The following RADIL variants were observed in gnomAD, a reference collection of about 807,000 sequenced individuals.
RADIL encodes the protein ras-associating and dilute domain-containing protein.
Under a neutral mutation model 97.6 loss-of-function variants are expected in RADIL, and 99 were observed. That is an observed-to-expected ratio of 1.01 (90% CI 0.86 to 1.20). The LOEUF is 1.20. RADIL is among the 50% of genes most tolerant of loss of function. The pLI, the probability that RADIL is intolerant of heterozygous loss-of-function variation, is 0.00. For synonymous variants in RADIL, 803 were observed against 691.8 expected, an observed-to-expected ratio of 1.16 and a Z score of -2.52; for missense variants, 1,765 against 1,498.9, an observed-to-expected ratio of 1.18 and a Z score of -2.93.
chr7:4,806,718 T>A (rs1230419505), intron 9 of RADIL, among the ~76,000 whole-genome samples: 1 of 152,252 alleles, frequency 6.6e-6, no homozygotes, highest in African/African-American at 2.4e-5. Context: ...AGGGGCGCAT[T>A]GCAGGAAACC....
At chr7:4,861,687 T>G in intron 2 of RADIL, 1 of 1,586,782 alleles carries the variant, frequency 6.3e-7, no homozygotes, top group Non-Finnish European at 8.6e-7. Flanking sequence ...TCTATTAGCC[T>G]CTGGGTGAGG....
chr7:4,834,657 A>T lies in RADIL; in HGVS notation c.1366T>A (p.Phe456Ile), dbSNP rs1783243692. Residue 456 changes from phenylalanine to isoleucine, a missense_variant, in exon 4 of 15, where the codon TTC becomes ATC. Physicochemically the swap from Phe to Ile is conservative, Grantham distance 21 (BLOSUM62 0). Transcript: ENST00000399583. This position sits in a 1 kb window ranked among gnomAD's most constrained non-coding sequence, Gnocchi z 6.0. ...HSATHFQPGT[F>I]GQLLLKIARL... ...GCTATCTTGAGCAGGAGCTGCCCGA[A>T]TGTGCCCGGCTGGAAGTGGGTGGCC... 7.3e-7 allele frequency: 1 copy of T among 1,363,278 alleles called. No homozygotes were observed. Among genetic ancestry groups the T allele is most frequent in the East Asian group, 2.8e-5 (1 of 35,766 alleles). 84.4% of individuals were successfully genotyped at this position (1,363,278 alleles called of 1,614,324 possible). A position where few individuals can be genotyped will look rare whatever the true frequency, so the allele number is the denominator to read the frequency against.
intron 2 of RADIL, among the ~76,000 whole-genome samples, chr7:4,868,150 C>G (rs1784171302): frequency 6.6e-6 from 1 of 152,092 alleles, no homozygotes; most frequent in South Asian, 2.1e-4. Context: ...GCAAGCTCCG[C>G]CTCCCGGGTT....
intron 5 of RADIL, among the ~76,000 whole-genome samples, chr7:4,825,062 G>C (rs1203587579): frequency 2.0e-5 from 3 of 152,174 alleles, no homozygotes; most frequent in Non-Finnish European, 2.9e-5. Flanking sequence ...GGCCTGTGTG[G>C]ACGGAGGAGC....
intron 2 of RADIL, chr7:4,861,845 A>C (rs963990608): frequency 2.9e-6 from 4 of 1,390,884 alleles, no homozygotes; most frequent in Non-Finnish European, 3.8e-6. Context: ...CACGTCCCCC[A>C]CCACCGCGAC....
intron 2 of RADIL, chr7:4,865,768 C>A: frequency 3.9e-6 from 4 of 1,033,794 alleles, no homozygotes; most frequent in East Asian, 4.7e-5. Context: ...ATTTTTTTTG[C>A]CCCCCTTCAC....
chr7:4,871,415 C>T (rs1583324977), intron 2 of RADIL, among the ~76,000 whole-genome samples: 1 of 152,242 alleles, frequency 6.6e-6, no homozygotes, highest in Non-Finnish European at 1.5e-5. Context: ...ACACAACAGT[C>T]CCTGCGGCCC....
intron 2 of RADIL, among the ~76,000 whole-genome samples, chr7:4,845,111 A>G (rs1294430044): frequency 2.0e-5 from 3 of 152,100 alleles, no homozygotes; most frequent in Non-Finnish European, 4.4e-5. Context: ...AATACTTTAG[A>G]AACCTAACCT....
At chr7:4,799,883 C>A in intron 13 of RADIL, 114 bp from the exon 14 acceptor site, 5 of 1,392,872 alleles carry the variant, frequency 3.6e-6, no homozygotes, top group Non-Finnish European at 4.7e-6. Flanking sequence ...TCCAGCCAGG[C>A]CCACTCATGG....
chr7:4,843,612 T>A (rs113557297), intron 2 of RADIL, among the ~76,000 whole-genome samples: 16 of 152,216 alleles, frequency 1.1e-4, no homozygotes, highest in African/African-American at 3.6e-4. Flanking sequence ...TTTATTCTCA[T>A]TATAGAAACC....
At position 4,813,977 on chromosome 7, in the gene RADIL, G is replaced by A. The variant is rs527871296; in HGVS notation, c.2139+1301C>T. ...TTCTTTTTTGTAGAGATGGGGTCTCGCTGTGTTGCCCAGGCTGGTCTCAAA... is the reference window on the plus strand; with the variant it reads ...TTCTTTTTTGTAGAGATGGGGTCTCACTGTGTTGCCCAGGCTGGTCTCAAA... On this transcript the variant is annotated intron_variant, in intron 9 of 14. Coordinates refer to ENST00000399583, the MANE Select transcript of RADIL (RefSeq NM_018059.5). The surrounding 1 kb of genome is among the most constrained non-coding windows in gnomAD (Gnocchi z 5.0). Among the ~76,000 whole-genome samples the A allele has an allele frequency of 3.9e-5, 6 of 152,178 alleles. No homozygotes were observed. Among genetic ancestry groups the A allele is most frequent in the Admixed American group, 6.5e-5 (1 of 15,282 alleles).
Position 4,866,479 on chromosome 7 carries a change from C to T in RADIL, c.535+11126G>A, listed in dbSNP as rs114948885. Among the ~76,000 whole-genome samples, 963 of 152,262 alleles carry T rather than the reference C, an allele frequency of 6.3e-3. 9 individuals are homozygous for T. Among genetic ancestry groups the T allele is most frequent in the African/African-American group, 0.022 (921 of 41,550 alleles). On this transcript the variant is annotated intron_variant, in intron 2 of 14. Transcript: ENST00000399583. ...CAAAAAAAATATTTCTCATCCAAGT[C>T]TCTGGCAAATCAATATCTAGAAAAC...
intron 2 of RADIL, among the ~76,000 whole-genome samples, chr7:4,848,216 C>A (rs1028778724): frequency 2.6e-3 from 337 of 128,914 alleles, no homozygotes; most frequent in African/African-American, 2.7e-3. Flanking sequence ...GACCCCGTCT[C>A]AAAAAAAAAA....
In RADIL at chr7:4,805,640, T is replaced by C. The variant is rs760073129; in HGVS notation, c.2216A>G (p.Gln739Arg). The change falls in exon 10 of 15, where the codon CAG becomes CGG. Residue 739 changes from glutamine to arginine, a missense_variant. By Grantham distance (43) the Gln-to-Arg change is conservative (BLOSUM62 1). Transcript: ENST00000399583. ...AQLHRLLTHYQLASAMGPMST... is the reference protein window; with the variant it reads ...AQLHRLLTHYRLASAMGPMST... ...CATGGGGCCCATGGCCGAGGCCAGCTGGTAGTGAGTCAGCAGCCGGTGCAG... is the reference window on the plus strand; with the variant it reads ...CATGGGGCCCATGGCCGAGGCCAGCCGGTAGTGAGTCAGCAGCCGGTGCAG... 2.0e-5 allele frequency: 32 copies of C among 1,611,744 alleles called. No individual in the cohort carries two copies. The highest frequency in any genetic ancestry group is 2.5e-5 in the Non-Finnish European group (30 of 1,179,886).
rs192897288 is a variant in RADIL at position 4,868,101 on chromosome 7, C to T, written c.535+9504G>A. Among the ~76,000 whole-genome samples the T allele has an allele frequency of 7.4e-4, 112 of 152,110 alleles. 1 individual carries two copies. The highest frequency in any genetic ancestry group is 3.5e-3 in the Admixed American group (53 of 15,278). Reference sequence around the variant, plus strand: ...TTTCTGAGATGGAGTCTCACTGTGTCGCCCAGGCTGGAGTGCAGTGGCATG... The same window carrying T: ...TTTCTGAGATGGAGTCTCACTGTGTTGCCCAGGCTGGAGTGCAGTGGCATG... On this transcript the variant is annotated intron_variant, in intron 2 of 14. Coordinates refer to ENST00000399583, the MANE Select transcript of RADIL (RefSeq NM_018059.5).
chr7:4,865,966 T>A (rs1784122266), intron 2 of RADIL, among the ~76,000 whole-genome samples: 1 of 152,220 alleles, frequency 6.6e-6, no homozygotes, highest in Non-Finnish European at 1.5e-5. Flanking sequence ...CTATGCCATA[T>A]AACCTAGGTG....
intron 9 of RADIL, among the ~76,000 whole-genome samples, chr7:4,812,526 A>C (rs1437199831): frequency 2.6e-5 from 4 of 152,036 alleles, no homozygotes; most frequent in African/African-American, 9.7e-5. Context: ...GGTTCAAGGG[A>C]TTCTCCTGCC....
At chr7:4,806,028 G>C in intron 9 of RADIL, 1 of 985,486 alleles carries the variant, frequency 1.0e-6, no homozygotes, top group Non-Finnish European at 1.2e-6. Context: ...ACTGGGAAAT[G>C]AACAGTGAAA....
chr7:4,829,494 C>G, intron 5 of RADIL, among the ~76,000 whole-genome samples: 1 of 152,138 alleles, frequency 6.6e-6, no homozygotes, highest in Non-Finnish European at 1.5e-5. Context: ...AAGGATGGAC[C>G]CAGGGTGGAC....
Sources: allele counts gnomAD v4.1 joint callset (sites outside exome capture counted in the v4.1 genomes callset), GRCh38; gene constraint gnomAD v4.1.1; non-coding constraint Gnocchi (gnomAD v3.1); transcripts MANE v1.5; gene names NCBI Gene and HGNC (gene_info 2026-07-23, HGNC 2026-07-21).